The following NDUFS1 variants were observed in gnomAD, a reference collection of about 807,000 sequenced individuals.
The protein encoded by NDUFS1 is NADH-ubiquinone oxidoreductase 75 kDa subunit, mitochondrial.
In NDUFS1, 61 loss-of-function variants were observed where a neutral mutation model predicts 84.4. The observed-to-expected ratio is 0.72, with a 90% CI of 0.59 to 0.89. The LOEUF (loss-of-function observed/expected upper bound fraction) is 0.89, where lower values mean the gene tolerates loss of function less well. NDUFS1 is among the 40% of genes least tolerant of loss of function. The probability of loss-of-function intolerance (pLI) is 0.00; values close to 1 mark genes in which losing one functional copy is unlikely to be tolerated. For synonymous variants in NDUFS1, 275 were observed against 290.0 expected (o/e 0.95, Z 0.53); for missense variants, 891 against 890.0 (o/e 1.00, Z -0.01).
chr2:206,116,798 GATC>G lies in NDUFS1; in HGVS notation c.*7384_*7386del, dbSNP rs1690957219. On this transcript the variant is annotated 3_prime_UTR_variant, in exon 19 of 19. Coordinates refer to ENST00000233190, the MANE Select transcript of NDUFS1 (RefSeq NM_005006.7). ...GCACTTTGGGAGGCCGAGGTGGGCA[GATC>G]ATGAGGTCAGGAGTTTGAGACCAGC... 5.0e-6 allele frequency: 1 copy of G among 201,060 alleles called. No homozygotes were observed. Among genetic ancestry groups the G allele is most frequent in the Non-Finnish European group, 1.0e-5 (1 of 97,220 alleles). The allele number at this position is 201,060 out of a possible 1,614,324, so 12.5% of individuals were successfully genotyped here.
intron 14 of NDUFS1, among the ~76,000 whole-genome samples, chr2:206,131,941 A>AAATAAT (rs768129947): frequency 1.5e-4 from 22 of 151,020 alleles, no homozygotes; most frequent in African/African-American, 4.9e-4. Context: ...TTCATCTCAA[A>AAATAAT]AATAATAATA....
rs565650701 is a variant in NDUFS1, at chr2:206,143,201, G to A, written c.988-370C>T. Among the ~76,000 whole-genome samples, 8 of 152,222 alleles carry A rather than the reference G, an allele frequency of 5.3e-5. No individual in the cohort carries two copies. In the South Asian group the frequency reaches 1.0e-3, roughly 20 times the overall value. On this transcript the variant is annotated intron_variant, in intron 10 of 18. Coordinates refer to ENST00000233190, the MANE Select transcript of NDUFS1 (RefSeq NM_005006.7). Reference sequence around the variant, plus strand: ...AAGGAGGCAGAGGCTGCAGTGACCCGAGATCGAGATCGCGCCACCGCACTC... The same window carrying A: ...AAGGAGGCAGAGGCTGCAGTGACCCAAGATCGAGATCGCGCCACCGCACTC...
At chr2:206,151,305 T>C (rs1383952681) in intron 3 of NDUFS1, among the ~76,000 whole-genome samples, 1 of 152,246 alleles carries the variant, frequency 6.6e-6, no homozygotes, top group Admixed American at 6.5e-5. Flanking sequence ...TTATACCTTA[T>C]GTTTCATCAA....
chr2:206,140,859 G>A (rs1170176860), intron 12 of NDUFS1, among the ~76,000 whole-genome samples: 2 of 150,444 alleles, frequency 1.3e-5, no homozygotes. Flanking sequence ...AGGGCACCAT[G>A]TCCACCAGAA....
chr2:206,142,456 C>G (rs927028027), intron 11 of NDUFS1, among the ~76,000 whole-genome samples: 1 of 152,234 alleles, frequency 6.6e-6, no homozygotes, highest in African/African-American at 2.4e-5. Flanking sequence ...CTTAGGCGAT[C>G]TGCCTGCCTT....
Position 206,142,690 on chromosome 2 carries a change from C to T in NDUFS1, c.1129G>A (p.Ala377Thr), listed in dbSNP as rs1393647236. 4 of 1,614,196 alleles carry T rather than the reference C, an allele frequency of 2.5e-6. No homozygotes were observed. Among genetic ancestry groups the T allele is most frequent in the Admixed American group, 3.3e-5 (2 of 60,028 alleles). Residue 377 changes from alanine to threonine, a missense_variant, in exon 11 of 19, where the codon GCT becomes ACT. Coordinates refer to ENST00000233190, the MANE Select transcript of NDUFS1 (RefSeq NM_005006.7). ...CTEEVFPTAG[A>T]GTDLRSNYLL... is the part of the protein sequence containing the mutation. ...TCCTAGCTTCATATTTCTCACCCAGCTCCTGCAGTGGGGAAGACCTCTTCA... is the reference window on the plus strand; with the variant it reads ...TCCTAGCTTCATATTTCTCACCCAGTTCCTGCAGTGGGGAAGACCTCTTCA...
chr2:206,127,649 T>C lies in NDUFS1; in HGVS notation c.1884+148A>G. 3 of 865,872 alleles carry C rather than the reference T, an allele frequency of 3.5e-6. No individual in the cohort carries two copies. The South Asian group carries it at 4.9e-5, about 14-fold the overall frequency. 53.6% of individuals were successfully genotyped at this position (865,872 alleles called of 1,614,324 possible). On this transcript the variant is annotated intron_variant, in intron 16 of 18. Transcript: ENST00000233190. ...GCTCACTGTAACCTTGAATTCCTGT[T>C]TCTGAATACATGTTTTCTATAGAAA...
intron 1 of NDUFS1, among the ~76,000 whole-genome samples, chr2:206,158,830 T>A: frequency 6.6e-6 from 1 of 152,126 alleles, no homozygotes; most frequent in African/African-American, 2.4e-5. Flanking sequence ...TTCCCGTTAG[T>A]TAAAGGAATA....
chr2:206,119,258 G>A lies in NDUFS1; in HGVS notation c.*4927C>T, dbSNP rs902754461. The A allele has an allele frequency of 6.6e-6, 1 of 152,120 alleles. No individual in the cohort carries two copies. Among genetic ancestry groups the A allele is most frequent in the Non-Finnish European group, 1.5e-5 (1 of 68,024 alleles). 9.4% of individuals were successfully genotyped at this position (152,120 alleles called of 1,614,324 possible). A position where few individuals can be genotyped will look rare whatever the true frequency, so the allele number is the denominator to read the frequency against. On this transcript the variant is annotated 3_prime_UTR_variant, in exon 19 of 19. Coordinates refer to ENST00000233190, the MANE Select transcript of NDUFS1 (RefSeq NM_005006.7). ...GGCCTAAGGTTTTTACAAGCTTTCTGATGTAATCATCAAAACAATTCTATG... is the reference window on the plus strand; with the variant it reads ...GGCCTAAGGTTTTTACAAGCTTTCTAATGTAATCATCAAAACAATTCTATG...
chr2:206,152,438 G>T lies in NDUFS1; in HGVS notation c.134C>A (p.Pro45Gln). 2 of 1,613,978 alleles carry T rather than the reference G, an allele frequency of 1.2e-6. No homozygotes were observed. Among genetic ancestry groups the T allele is most frequent in the Non-Finnish European group, 1.7e-6 (2 of 1,179,926 alleles). Residue 45 changes from proline (P) to glutamine (Q), a missense_variant, in exon 3 of 19, where the codon CCG becomes CAG. Transcript: ENST00000233190. ...FVDGQSVMVEPGTTVLQACEK... is the reference protein window; with the variant it reads ...FVDGQSVMVEQGTTVLQACEK... ...GCCTACTTGGAGGACGGTCGTTCCC[G>T]GTTCCACCATGACAGACTGACCATC... is the stretch of plus-strand genomic sequence containing the variant.
intron 8 of NDUFS1, among the ~76,000 whole-genome samples, chr2:206,146,561 A>C (rs1575983725): frequency 6.6e-6 from 1 of 152,356 alleles, no homozygotes; most frequent in East Asian, 1.9e-4. Context: ...CTATTAGCAG[A>C]AACTGGCTAA....
intron 12 of NDUFS1, among the ~76,000 whole-genome samples, chr2:206,139,755 C>T (rs1334694555): frequency 6.7e-6 from 1 of 149,044 alleles, no homozygotes; most frequent in Non-Finnish European, 1.5e-5. Context: ...ATTATTAATT[C>T]CCTCTTTCAC....
rs747821264 is a variant in NDUFS1 at position 206,145,023 on chromosome 2, C to T, written c.741G>A (p.Lys247=). 42 of 1,613,712 alleles carry T rather than the reference C, an allele frequency of 2.6e-5. No individual in the cohort carries two copies. The South Asian group carries it at 4.5e-4, about 17-fold the overall frequency. ...CATCCATTACATCAATGGATTCTGT[C>T]TTTCTGAGAAACACATACGGTGTTT... The part of the protein sequence containing the change: ...AFTARPWETR[K]TESIDVMDAV... The change falls in exon 9 of 19, where the codon AAG becomes AAA. Residue 247 remains lysine, a synonymous_variant. Transcript: ENST00000233190.
At chr2:206,135,267 T>G (rs780593055) in intron 13 of NDUFS1, among the ~76,000 whole-genome samples, 1 of 152,136 alleles carries the variant, frequency 6.6e-6, no homozygotes, top group Non-Finnish European at 1.5e-5. Context: ...CTCAGGTGAT[T>G]TGCCTGCATT....
In NDUFS1 at chr2:206,144,097, G is replaced by C. The variant is rs75666426; in HGVS notation, c.908C>G (p.Thr303Ser). The change falls in exon 10 of 19, where the codon ACC becomes AGC. Residue 303 changes from threonine to serine, a missense_variant. Transcript: ENST00000233190. ...AYDGLKRQRL[T>S]EPMVRNEKGL... ...TTTTTCATTTCTGACCATTGGCTCGGTAAGTCTTTGACGTTTTAGCCCATC... is the reference window on the plus strand; with the variant it reads ...TTTTTCATTTCTGACCATTGGCTCGCTAAGTCTTTGACGTTTTAGCCCATC... The C allele has an allele frequency of 1.4e-4, 224 of 1,614,004 alleles. 1 individual carries two copies. Among genetic ancestry groups the C allele is most frequent in the Admixed American group, 4.3e-4 (26 of 60,016 alleles).
In NDUFS1 at chr2:206,133,081, T is replaced by C. The variant is rs778532339; in HGVS notation, c.1417A>G (p.Met473Val). ...AGTGCAGAACTGCCTAAAACCACCATTGGTTTTTTAGCTTCCTTTAGGACC... is the reference window on the plus strand; with the variant it reads ...AGTGCAGAACTGCCTAAAACCACCACTGGTTTTTTAGCTTCCTTTAGGACC... ...SQVLKEAKKP[M>V]VVLGSSALQR... is the part of the protein sequence containing the mutation. The change falls in exon 14 of 19, where the codon ATG (methionine) becomes GTG (valine). Residue 473 changes from methionine (M) to valine (V), a missense_variant. By Grantham distance (21) the Met-to-Val change is conservative. Transcript: ENST00000233190. 2.4e-5 allele frequency: 39 copies of C among 1,613,122 alleles called. No homozygotes were observed. The Middle Eastern group carries it at 1.3e-3, about 54-fold the overall frequency.
chr2:206,156,969 G>A (rs1450000917), intron 1 of NDUFS1, among the ~76,000 whole-genome samples: 1 of 152,172 alleles, frequency 6.6e-6, no homozygotes, highest in East Asian at 1.9e-4. Flanking sequence ...GTATGTGTGT[G>A]TGTTTTGAGA....
chr2:206,128,702 A>T (rs1039573841), intron 15 of NDUFS1, among the ~76,000 whole-genome samples: 2 of 150,656 alleles, frequency 1.3e-5, no homozygotes, highest in African/African-American at 4.9e-5. Context: ...AATCGTTTGA[A>T]CCCGTGAGGC....
At chr2:206,156,844 T>C (rs1687674332) in intron 1 of NDUFS1, among the ~76,000 whole-genome samples, 1 of 152,200 alleles carries the variant, frequency 6.6e-6, no homozygotes, top group African/African-American at 2.4e-5. Flanking sequence ...TCTGGTTCTT[T>C]ACTTATAGAG....
Sources: allele counts gnomAD v4.1 joint callset (sites outside exome capture counted in the v4.1 genomes callset), GRCh38; gene constraint gnomAD v4.1.1; transcripts MANE v1.5; gene names NCBI Gene and HGNC (gene_info 2026-07-23, HGNC 2026-07-21).